IGFBP1: variants seen among roughly 807,000 people sequenced by gnomAD.
IGFBP1 encodes insulin-like growth factor-binding protein 1.
IGFBP1 carries 31 observed loss-of-function variants against 23.1 expected under a neutral mutation model. The ratio of observed to expected loss-of-function variants is 1.34; its 90% confidence interval spans 1.01 to 1.81. The LOEUF is 1.81. Ranked by LOEUF, IGFBP1 falls within the 40% of genes most tolerant of loss-of-function variation. The probability of loss-of-function intolerance (pLI) is 0.00; values close to 1 mark genes in which losing one functional copy is unlikely to be tolerated. For synonymous variants in IGFBP1, 148 were observed against 145.5 expected, an observed-to-expected ratio of 1.02 and a Z score of -0.13; for missense variants, 333 against 342.2, an observed-to-expected ratio of 0.97 and a Z score of 0.21.
Position 45,888,993 on chromosome 7 carries a change from A to ATGCTGCAGGTACCACAGTCCCGCCCC in IGFBP1, c.346_349+22dup. 6.6e-7 allele frequency: 1 copy of ATGCTGCAGGTACCACAGTCCCGCCCC among 1,515,532 alleles called. No individual in the cohort carries two copies. 93.9% of individuals were successfully genotyped at this position (1,515,532 alleles called of 1,614,324 possible). Reference sequence around the variant, plus strand: ...CAGGAGTCTGACGCCTCCGCTCCCCATGCTGCAGGTACCACAGTCCCGCCC... The same window carrying ATGCTGCAGGTACCACAGTCCCGCCCC: ...CAGGAGTCTGACGCCTCCGCTCCCCATGCTGCAGGTACCACAGTCCCGCCCCTGCTGCAGGTACCACAGTCCCGCCC... On this transcript the variant is annotated frameshift_variant, in exon 1 of 4. Coordinates refer to ENST00000275525, the MANE Select transcript of IGFBP1 (RefSeq NM_000596.4). LOFTEE classifies it high-confidence loss of function.
At chr7:45,889,082 C>G (rs1787035684) in intron 1 of IGFBP1, 81 bp downstream of exon 1, 1 of 1,032,936 alleles carries the variant, frequency 9.7e-7, no homozygotes, top group Admixed American at 3.4e-5. Flanking sequence ...CCCCTAACTA[C>G]TGGGTGGGGC....
chr7:45,891,574 T>C (rs1389804671), intron 2 of IGFBP1, among the ~76,000 whole-genome samples: 2 of 152,220 alleles, frequency 1.3e-5, no homozygotes, highest in Non-Finnish European at 2.9e-5. Context: ...TTATGCCCAC[T>C]CTTCTAACCA....
At chr7:45,892,882 A>T in intron 3 of IGFBP1, 78 bp from the exon 4 acceptor site, 1 of 1,467,318 alleles carries the variant, frequency 6.8e-7, no homozygotes. Context: ...GGCTGCACTG[A>T]AAAAAGGGCC....
At position 45,893,240 on chromosome 7, in the gene IGFBP1, T is replaced by A; in HGVS notation, c.*149T>A. On this transcript the variant is annotated 3_prime_UTR_variant, in exon 4 of 4. Transcript: ENST00000275525. ...CCATACATAACTTGATATAGAAAGC[T>A]GTTTATTTATTCACTGTAAGTTTAT... 3.2e-6 allele frequency: 1 copy of A among 315,678 alleles called. No individual in the cohort carries two copies. The highest frequency in any genetic ancestry group is 5.3e-6 in the Non-Finnish European group (1 of 187,208). 19.6% of individuals were successfully genotyped at this position (315,678 alleles called of 1,614,324 possible).
At chr7:45,891,426 A>T (rs1352084736) in intron 2 of IGFBP1, among the ~76,000 whole-genome samples, 1 of 152,268 alleles carries the variant, frequency 6.6e-6, no homozygotes, top group Non-Finnish European at 1.5e-5. Flanking sequence ...CGATAAATGG[A>T]GGAAAGTTAA....
chr7:45,891,829 T>TA (rs1359417584), intron 2 of IGFBP1, 103 bp from the exon 3 acceptor site: 6 of 1,198,214 alleles, frequency 5.0e-6, no homozygotes, highest in Non-Finnish European at 7.0e-6. Context: ...GGCCAGATCG[T>TA]AGGGCCACTC....
In IGFBP1 at chr7:45,888,839, T is replaced by G. The variant is rs1318871592; in HGVS notation, c.187T>G (p.Cys63Gly). The G allele has an allele frequency of 6.5e-7, 1 of 1,541,672 alleles. No individual in the cohort carries two copies. Among genetic ancestry groups the G allele is most frequent in the South Asian group, 1.2e-5 (1 of 85,054 alleles). ...RSAGCGCCPM[C>G]ALPLGAACGV... ...CGCCGGCTGCGGCTGTTGCCCGATG[T>G]GCGCCCTGCCTCTGGGCGCCGCGTG... The change falls in exon 1 of 4, where the codon TGC becomes GGC. Residue 63 changes from cysteine to glycine, a missense_variant. Transcript: ENST00000275525.
At chr7:45,890,389 C>T (rs941504121) in intron 1 of IGFBP1, among the ~76,000 whole-genome samples, 159 bp from the exon 2 acceptor site, 1 of 152,164 alleles carries the variant, frequency 6.6e-6, no homozygotes, top group African/African-American at 2.4e-5. Context: ...GAAACCATTA[C>T]AAGGTCCTTT....
Position 45,890,540 on chromosome 7 carries a change from C to T in IGFBP1, c.350-8C>T. 7 of 1,602,642 alleles carry T rather than the reference C, an allele frequency of 4.4e-6. No individual in the cohort carries two copies. Among genetic ancestry groups the T allele is most frequent in the Non-Finnish European group, 6.0e-6 (7 of 1,175,344 alleles). ...GGGCTCATGGGGTCTGCAATGTTTC[C>T]TTTCCAGAGGCAGGGAGCCCTGAAA... is the stretch of plus-strand genomic sequence containing the variant. On this transcript the variant is annotated splice_region_variant and splice_polypyrimidine_tract_variant and intron_variant, in intron 1 of 3. Coordinates refer to ENST00000275525, the MANE Select transcript of IGFBP1 (RefSeq NM_000596.4).
Position 45,890,319 on chromosome 7 carries a change from C to T in IGFBP1, c.350-229C>T, listed in dbSNP as rs9658207. On this transcript the variant is annotated intron_variant, in intron 1 of 3. Transcript: ENST00000275525. ...GAAACGTGGGGCACCCTTGCCAGGC[C>T]CTGAAACTTACTATTGTCAGGAACA... Among the ~76,000 whole-genome samples, 1,085 of 152,318 alleles carry T rather than the reference C, an allele frequency of 7.1e-3. 20 individuals are homozygous for T. The highest frequency in any genetic ancestry group is 0.025 in the African/African-American group (1,029 of 41,570).
intron 3 of IGFBP1, among the ~76,000 whole-genome samples, chr7:45,892,514 A>G (rs1366305833): frequency 1.3e-5 from 2 of 152,236 alleles, no homozygotes; most frequent in Non-Finnish European, 2.9e-5. Context: ...TTGCCAGATA[A>G]TAAATGAGAT....
chr7:45,892,142 C>T, intron 3 of IGFBP1, 82 bp downstream of exon 3: 1 of 1,470,536 alleles, frequency 6.8e-7, no homozygotes. Flanking sequence ...TCATTCATGT[C>T]AAAGAAGGTC....
intron 2 of IGFBP1, 104 bp from the exon 3 acceptor site, chr7:45,891,828 G>T (rs761872483): frequency 8.5e-7 from 1 of 1,180,330 alleles, no homozygotes; most frequent in African/African-American, 1.5e-5. Flanking sequence ...TGGCCAGATC[G>T]TAGGGCCACT....
chr7:45,892,019 C>G lies in IGFBP1; in HGVS notation c.607C>G (p.Leu203Val), dbSNP rs757935661. ...TSGEEISKFY[L>V]PNCNKNGFYH... is the part of the protein sequence containing the mutation. Reference sequence around the variant, plus strand: ...AGGAGAAGAAATTTCCAAATTTTACCTGCCAAACTGCAACAAGAATGGATT... The same window carrying G: ...AGGAGAAGAAATTTCCAAATTTTACGTGCCAAACTGCAACAAGAATGGATT... Residue 203 changes from leucine to valine, a missense_variant, in exon 3 of 4, where the codon CTG becomes GTG. Coordinates refer to ENST00000275525, the MANE Select transcript of IGFBP1 (RefSeq NM_000596.4). 2 of 1,614,160 alleles carry G rather than the reference C, an allele frequency of 1.2e-6. No individual in the cohort carries two copies. The highest frequency in any genetic ancestry group is 2.2e-5 in the South Asian group (2 of 91,082).
At position 45,888,694 on chromosome 7, in the gene IGFBP1, C is replaced by G. The variant is rs745815847; in HGVS notation, c.42C>G (p.Leu14=). ...VPVARVWLVL[L]LLTVQVGVTA... ...TTGCTCGCGTCTGGCTGGTACTGCT[C>G]CTGCTGACTGTCCAGGTCGGCGTGA... The change falls in exon 1 of 4, where the codon CTC becomes CTG. Residue 14 remains leucine (L), a synonymous_variant. Transcript: ENST00000275525. 1 of 1,598,040 alleles carries G rather than the reference C, an allele frequency of 6.3e-7. No individual in the cohort carries two copies. The highest frequency in any genetic ancestry group is 8.5e-7 in the Non-Finnish European group (1 of 1,179,496).
Position 45,888,983 on chromosome 7 carries a change from T to A in IGFBP1, c.331T>A (p.Ser111Thr). Residue 111 changes from serine (S) to threonine (T), a missense_variant, in exon 1 of 4, where the codon TCC (serine) becomes ACC (threonine). Transcript: ENST00000275525. Reference sequence around the variant, plus strand: ...CGCCTGCGTGCAGGAGTCTGACGCCTCCGCTCCCCATGCTGCAGGTACCAC... The same window carrying A: ...CGCCTGCGTGCAGGAGTCTGACGCCACCGCTCCCCATGCTGCAGGTACCAC... ...QGACVQESDA[S>T]APHAAEAGSP... 1.3e-6 allele frequency: 2 copies of A among 1,518,136 alleles called. No homozygotes were observed. The highest frequency in any genetic ancestry group is 1.8e-6 in the Non-Finnish European group (2 of 1,139,724). 94.0% of individuals were successfully genotyped at this position (1,518,136 alleles called of 1,614,324 possible). A position where few individuals can be genotyped will look rare whatever the true frequency, so the allele number is the denominator to read the frequency against.
chr7:45,888,832 C>T lies in IGFBP1; in HGVS notation c.180C>T (p.Cys60=). 3 of 1,547,622 alleles carry T rather than the reference C, an allele frequency of 1.9e-6. No individual in the cohort carries two copies. Among genetic ancestry groups the T allele is most frequent in the Non-Finnish European group, 2.6e-6 (3 of 1,155,024 alleles). ...EVTRSAGCGC[C]PMCALPLGAA... is the part of the protein sequence containing the mutation. ...CCCGGTCCGCCGGCTGCGGCTGTTG[C>T]CCGATGTGCGCCCTGCCTCTGGGCG... The change falls in exon 1 of 4, where the codon TGC becomes TGT. Residue 60 remains cysteine (C), a synonymous_variant. Coordinates refer to ENST00000275525, the MANE Select transcript of IGFBP1 (RefSeq NM_000596.4).
At chr7:45,892,207 G>A (rs1583661507) in intron 3 of IGFBP1, 147 bp downstream of exon 3, 1 of 795,920 alleles carries the variant, frequency 1.3e-6, no homozygotes, top group East Asian at 2.6e-5. Flanking sequence ...ACCCCTCTGG[G>A]AACCTGGAAC....
rs1398614644 is a variant in IGFBP1 at position 45,888,874 on chromosome 7, G to T, written c.222G>T (p.Ala74=). The T allele has an allele frequency of 3.3e-6, 5 of 1,507,686 alleles. No homozygotes were observed. The Admixed American group carries it at 1.1e-4, about 33-fold the overall frequency. 93.4% of individuals were successfully genotyped at this position (1,507,686 alleles called of 1,614,324 possible). ...ALPLGAACGV[A]TARCARGLSC... ...CTCTGGGCGCCGCGTGCGGCGTGGC[G>T]ACTGCACGCTGCGCCCGGGGACTCA... Residue 74 remains alanine (A), a synonymous_variant, in exon 1 of 4, where the codon GCG becomes GCT. Transcript: ENST00000275525.
Sources: allele counts gnomAD v4.1 joint callset (sites outside exome capture counted in the v4.1 genomes callset), GRCh38; gene constraint gnomAD v4.1.1; transcripts MANE v1.5; gene names NCBI Gene and HGNC (gene_info 2026-07-23, HGNC 2026-07-21).